Variants in KIAA1958 observed in about 807,000 individuals in gnomAD.
The protein encoded by KIAA1958 is uncharacterized protein KIAA1958.
KIAA1958 carries 14 observed loss-of-function variants against 47.2 expected under a neutral mutation model. The ratio of observed to expected loss-of-function variants is 0.30; its 90% CI spans 0.20 to 0.46. KIAA1958 has a LOEUF of 0.46. KIAA1958 is among the 20% of genes least tolerant of loss of function. The pLI, the probability that KIAA1958 is intolerant of heterozygous loss-of-function variation, is 1.00. For synonymous variants in KIAA1958, 354 were observed against 353.3 expected, an observed-to-expected ratio of 1.00 and a Z score of -0.02; for missense variants, 803 against 909.2, an observed-to-expected ratio of 0.88 and a Z score of 1.50.
At position 112,618,591 on chromosome 9, in the gene KIAA1958, T is replaced by C; in HGVS notation, c.1172-27059T>C. ...TATGCCCAGCGGCGGCCTCCCGCCA[T>C]GCGCTACGAGGATGCCCCTTTCTAC... is the stretch of plus-strand genomic sequence containing the variant. On this transcript the variant is annotated intron_variant, in intron 2 of 3. Transcript: ENST00000337530. This position sits in a 1 kb window ranked among gnomAD's most constrained non-coding sequence, Gnocchi z 7.1. 6.4e-7 allele frequency: 1 copy of C among 1,550,652 alleles called. No homozygotes were observed. Among genetic ancestry groups the C allele is most frequent in the Non-Finnish European group, 8.7e-7 (1 of 1,147,004 alleles).
rs1836963745 is a variant in KIAA1958 at position 112,645,719 on chromosome 9, G to C, written c.1241G>C (p.Ser414Thr). The C allele has an allele frequency of 1.2e-6, 2 of 1,613,878 alleles. No individual in the cohort carries two copies. The highest frequency in any genetic ancestry group is 4.5e-5 in the East Asian group (2 of 44,856). The change falls in exon 3 of 4, where the codon AGT (serine) becomes ACT (threonine). Residue 414 changes from serine (S) to threonine (T), a missense_variant. By Grantham distance (58) the Ser-to-Thr change is moderately conservative. Transcript: ENST00000337530. Reference sequence around the variant, plus strand: ...GATGACTTGAATGATCTGTGTACCAGTGCAGTAAGCCCAAATACTACCAAA... The same window carrying C: ...GATGACTTGAATGATCTGTGTACCACTGCAGTAAGCCCAAATACTACCAAA... ...INDDLNDLCTSAVSPNTTKAT... is the reference protein window; with the variant it reads ...INDDLNDLCTTAVSPNTTKAT...
At chr9:112,530,017 GT>G (rs1379049512) in intron 1 of KIAA1958, among the ~76,000 whole-genome samples, 1 of 151,920 alleles carries the variant, frequency 6.6e-6, no homozygotes, top group Admixed American at 6.6e-5. Flanking sequence ...CTAATTTTTT[GT>G]TTTTTTAGTG....
intron 2 of KIAA1958, among the ~76,000 whole-genome samples, chr9:112,584,984 C>T (rs546774627): frequency 2.0e-5 from 3 of 152,108 alleles, no homozygotes; most frequent in Admixed American, 6.5e-5. Context: ...TATCCAAAGT[C>T]GAGACTGCTA....
intron 1 of KIAA1958, among the ~76,000 whole-genome samples, chr9:112,504,743 A>G (rs1057196671): frequency 6.6e-6 from 1 of 152,218 alleles, no homozygotes; most frequent in East Asian, 1.9e-4. Context: ...CAAAACCACT[A>G]TAGCAAATAT....
intron 2 of KIAA1958, among the ~76,000 whole-genome samples, chr9:112,611,144 C>T (rs901238808): frequency 1.3e-5 from 2 of 152,096 alleles, no homozygotes; most frequent in Non-Finnish European, 2.9e-5. Flanking sequence ...TAAAGTAAAA[C>T]GCTGGGAGAT....
intron 2 of KIAA1958, among the ~76,000 whole-genome samples, chr9:112,640,350 G>A (rs1836871952): frequency 6.6e-6 from 1 of 152,052 alleles, no homozygotes; most frequent in Non-Finnish European, 1.5e-5. Flanking sequence ...TACTATTTTT[G>A]ACTCCTCAGT....
intron 2 of KIAA1958, among the ~76,000 whole-genome samples, chr9:112,592,888 T>A (rs928879016): frequency 2.0e-5 from 3 of 152,202 alleles, no homozygotes; most frequent in Non-Finnish European, 4.4e-5. Flanking sequence ...CTATATGTAC[T>A]GAATGGGCTT....
At chr9:112,532,540 G>A (rs561229775) in intron 1 of KIAA1958, among the ~76,000 whole-genome samples, 4 of 152,126 alleles carry the variant, frequency 2.6e-5, no homozygotes, top group Non-Finnish European at 5.9e-5. Context: ...TTCTTTGACT[G>A]TTTCCTGGAG....
chr9:112,665,417 A>G lies in KIAA1958; in HGVS notation c.*5348A>G, dbSNP rs1459772720. On this transcript the variant is annotated 3_prime_UTR_variant, in exon 4 of 4. Transcript: ENST00000337530. ...TTTCCATTTTACTTATTGAGAATCT[A>G]GGCTCAGAGGAGTTAAAATTCTGAA... 1 of 152,232 alleles carries G rather than the reference A, an allele frequency of 6.6e-6. No homozygotes were observed. The highest frequency in any genetic ancestry group is 2.4e-5 in the African/African-American group (1 of 41,460). 9.4% of individuals were successfully genotyped at this position (152,232 alleles called of 1,614,324 possible).
chr9:112,556,556 A>T (rs1250334381), intron 1 of KIAA1958, among the ~76,000 whole-genome samples: 1 of 151,998 alleles, frequency 6.6e-6, no homozygotes, highest in African/African-American at 2.4e-5. Flanking sequence ...GCTGTTCTCC[A>T]CCTCCTGTCC....
At chr9:112,487,981 G>A (rs1020630523) in intron 1 of KIAA1958, among the ~76,000 whole-genome samples, 1 of 146,056 alleles carries the variant, frequency 6.8e-6, no homozygotes, top group African/African-American at 2.6e-5. Context: ...GTGTTTTGAA[G>A]TTTAGGAGTA....
At chr9:112,494,227 A>C (rs1269637980) in intron 1 of KIAA1958, among the ~76,000 whole-genome samples, 1 of 152,076 alleles carries the variant, frequency 6.6e-6, no homozygotes, top group Non-Finnish European at 1.5e-5. Context: ...TTCCCTGTTA[A>C]TTCTCCTAGA....
chr9:112,571,454 C>G (rs760184073), intron 1 of KIAA1958, among the ~76,000 whole-genome samples: 1 of 152,132 alleles, frequency 6.6e-6, no homozygotes, highest in Non-Finnish European at 1.5e-5. Context: ...GATTATGATG[C>G]GAACCCCTTC....
intron 1 of KIAA1958, among the ~76,000 whole-genome samples, chr9:112,509,707 G>C (rs1449939470): frequency 1.3e-5 from 2 of 152,232 alleles, no homozygotes; most frequent in Non-Finnish European, 2.9e-5. Context: ...AGAATAAGAT[G>C]AAAGTTTGAA....
rs1247465605 is a variant in KIAA1958 at position 112,661,621 on chromosome 9, TC to T, written c.*1554del. The T allele has an allele frequency of 2.0e-5, 3 of 152,244 alleles. No individual in the cohort carries two copies. Among genetic ancestry groups the T allele is most frequent in the Admixed American group, 6.5e-5 (1 of 15,280 alleles). 9.4% of individuals were successfully genotyped at this position (152,244 alleles called of 1,614,324 possible). A position where few individuals can be genotyped will look rare whatever the true frequency, so the allele number is the denominator to read the frequency against. ...ACTAGTCATTGACATATGTAATACT[TC>T]CTTTACCAGAGAAGACTCAACCAAT... is the stretch of plus-strand genomic sequence containing the variant. On this transcript the variant is annotated 3_prime_UTR_variant, in exon 4 of 4. Coordinates refer to ENST00000337530, the MANE Select transcript of KIAA1958 (RefSeq NM_133465.4).
At chr9:112,533,953 G>T (rs772693321) in intron 1 of KIAA1958, among the ~76,000 whole-genome samples, 21 of 152,154 alleles carry the variant, frequency 1.4e-4, no homozygotes, top group Non-Finnish European at 2.9e-4. Flanking sequence ...CTGGGTCTGT[G>T]AGTATACATA....
rs114815793 is a variant in KIAA1958 at position 112,567,092 on chromosome 9, G to A, written c.-24-6965G>A. Among the ~76,000 whole-genome samples the A allele has an allele frequency of 5.2e-3, 785 of 152,256 alleles. 10 individuals are homozygous for A. Among genetic ancestry groups the A allele is most frequent in the African/African-American group, 0.018 (745 of 41,548 alleles). On this transcript the variant is annotated intron_variant, in intron 1 of 3. Coordinates refer to ENST00000337530, the MANE Select transcript of KIAA1958 (RefSeq NM_133465.4). ...TGAGTAACAGTTATACTGGAGTATGGTGCAGAATAAGTGAAGGATTATACT... is the reference window on the plus strand; with the variant it reads ...TGAGTAACAGTTATACTGGAGTATGATGCAGAATAAGTGAAGGATTATACT...
chr9:112,508,265 T>C (rs1834264950), intron 1 of KIAA1958, among the ~76,000 whole-genome samples: 1 of 152,226 alleles, frequency 6.6e-6, no homozygotes, highest in African/African-American at 2.4e-5. Context: ...TTTAACTTGC[T>C]TTTTCAGATA....
intron 2 of KIAA1958, among the ~76,000 whole-genome samples, chr9:112,585,936 C>T (rs1266817129): frequency 6.6e-6 from 1 of 152,152 alleles, no homozygotes; most frequent in Admixed American, 6.5e-5. Flanking sequence ...CCAACAAATA[C>T]CCATTGGAAG....
Sources: gnomAD v4.1 joint callset for allele counts (sites outside exome capture counted in the v4.1 genomes callset) on GRCh38, gnomAD v4.1.1 for gene constraint, Gnocchi (gnomAD v3.1) non-coding constraint, MANE v1.5 for transcripts, NCBI Gene and HGNC (gene_info 2026-07-23, HGNC 2026-07-21) for gene names.